UNC79: variants seen among roughly 807,000 people sequenced by gnomAD.
UNC79 encodes the protein unc-79 subunit of NALCN channel complex, also known as protein unc-79 homolog.
Under a neutral mutation model 283.1 loss-of-function variants are expected in UNC79, and 37 were observed. The observed-to-expected ratio is 0.13, with a 90% CI of 0.10 to 0.17. The LOEUF is 0.17. UNC79 is among the 10% of genes least tolerant of loss of function. UNC79 has a pLI of 1.00. For missense variants in UNC79, 2,272 were observed against 3,211.1 expected, an observed-to-expected ratio of 0.71 and a Z score of 7.07; for synonymous variants, 1,107 against 1,200.2, an observed-to-expected ratio of 0.92 and a Z score of 1.61.
intron 1 of UNC79, among the ~76,000 whole-genome samples, chr14:93,449,122 G>A (rs2056554782): frequency 6.6e-6 from 1 of 152,166 alleles, no homozygotes; most frequent in Admixed American, 6.5e-5. Context: ...TTAGTCCACG[G>A]TGATACTTTG....
chr14:93,458,225 G>A (rs2056848732), intron 1 of UNC79, among the ~76,000 whole-genome samples: 1 of 152,160 alleles, frequency 6.6e-6, no homozygotes, highest in Non-Finnish European at 1.5e-5. Flanking sequence ...GATGGAATTA[G>A]GACATATACT....
At chr14:93,641,766 G>A (rs1315075170) in intron 33 of UNC79, among the ~76,000 whole-genome samples, 1 of 152,176 alleles carries the variant, frequency 6.6e-6, no homozygotes, top group African/African-American at 2.4e-5. Flanking sequence ...TAGATGATAT[G>A]GTTTGGCTAT....
intron 2 of UNC79, among the ~76,000 whole-genome samples, chr14:93,468,904 G>A (rs2057357136): frequency 6.6e-6 from 1 of 152,078 alleles, no homozygotes; most frequent in African/African-American, 2.4e-5. Flanking sequence ...AAATTGTAGT[G>A]GAATAATTAG....
chr14:93,455,912 TTGTGTG>T (rs10654684), intron 1 of UNC79, among the ~76,000 whole-genome samples: 76 of 144,204 alleles, frequency 5.3e-4, no homozygotes, highest in East Asian at 3.3e-3. Flanking sequence ...GTACAATGGA[TTGTGTG>T]TGTGTGTGTG....
chr14:93,544,512 C>T (rs1372999676), intron 14 of UNC79, among the ~76,000 whole-genome samples: 1 of 152,196 alleles, frequency 6.6e-6, no homozygotes, highest in Non-Finnish European at 1.5e-5. Flanking sequence ...TTTCTTTTTG[C>T]ATCTTCTTTA....
intron 30 of UNC79, among the ~76,000 whole-genome samples, chr14:93,627,718 A>G (rs1029713212): frequency 6.6e-6 from 1 of 152,226 alleles, no homozygotes; most frequent in Non-Finnish European, 1.5e-5. Flanking sequence ...TTAAAGTCAC[A>G]TGGTGAAAGG....
intron 41 of UNC79, among the ~76,000 whole-genome samples, chr14:93,676,513 A>G (rs2073354538): frequency 6.6e-6 from 1 of 152,122 alleles, no homozygotes; most frequent in African/African-American, 2.4e-5. Flanking sequence ...GCAGTTGGAG[A>G]TGTGCCACCT....
chr14:93,566,913 G>A (rs184478696), intron 14 of UNC79, among the ~76,000 whole-genome samples: 4 of 152,138 alleles, frequency 2.6e-5, no homozygotes, highest in East Asian at 1.9e-4. Flanking sequence ...CACCACGCTC[G>A]GCCTGGAATT....
exon 15 of UNC79, chr14:93,571,928 T>C: frequency 6.2e-7 from 1 of 1,614,074 alleles, no homozygotes; most frequent in African/African-American, 1.3e-5. Flanking sequence ...TGTAGCACAG[T>C]GACTCAGCTG....
intron 31 of UNC79, 23 bp downstream of exon 34, chr14:93,634,660 A>C: frequency 4.4e-6 from 7 of 1,585,306 alleles, no homozygotes; most frequent in Non-Finnish European, 6.1e-6. Context: ...TTTTCTTCTC[A>C]TTCTACCTCT....
At chr14:93,346,907 G>A (rs1188415984) in intron 1 of UNC79, among the ~76,000 whole-genome samples, 2 of 152,138 alleles carry the variant, frequency 1.3e-5, no homozygotes, top group South Asian at 2.1e-4. Flanking sequence ...AGGTTGCAGG[G>A]AGCCCTGAGT....
rs529736494 is a variant in UNC79, at chr14:93,602,610, T to A, written c.3575-629T>A. Reference sequence around the variant, plus strand: ...GCTCTTTTTTTGGTTCCGTAGGAATTTTAGAGTTGGTTTTCTAGCTCTGTG... The same window carrying A: ...GCTCTTTTTTTGGTTCCGTAGGAATATTAGAGTTGGTTTTCTAGCTCTGTG... On this transcript the variant is annotated intron_variant, in intron 25 of 48. Transcript: ENST00000555664. Among the ~76,000 whole-genome samples the A allele has an allele frequency of 3.3e-5, 5 of 152,254 alleles. No homozygotes were observed. The South Asian group carries it at 8.3e-4, about 25-fold the overall frequency.
At chr14:93,699,327 T>C (rs535895028) in intron 47 of UNC79, among the ~76,000 whole-genome samples, 2 of 152,308 alleles carry the variant, frequency 1.3e-5, no homozygotes, top group African/African-American at 4.8e-5. Context: ...TATAATTTCC[T>C]TTTCTTTGTC....
intron 1 of UNC79, among the ~76,000 whole-genome samples, chr14:93,435,427 C>G (rs968552321): frequency 6.6e-6 from 1 of 152,150 alleles, no homozygotes; most frequent in Non-Finnish European, 1.5e-5. Context: ...TAGCTTCGCA[C>G]AGGAATCTGT....
rs545142923 is a variant in UNC79, at chr14:93,688,443, G to A, written c.6910-222G>A. On this transcript the variant is annotated intron_variant, in intron 43 of 48. Coordinates refer to ENST00000555664, the Ensembl canonical transcript of UNC79. This position sits in a 1 kb window ranked among gnomAD's most constrained non-coding sequence, Gnocchi z 4.0. Reference sequence around the variant, plus strand: ...AACACAGCTGGAGCTGCAGGCAGAAGGGGTAAGTTCTCAGTGGCTGGATCT... The same window carrying A: ...AACACAGCTGGAGCTGCAGGCAGAAAGGGTAAGTTCTCAGTGGCTGGATCT... Among the ~76,000 whole-genome samples, 1 of 152,264 alleles carries A rather than the reference G, an allele frequency of 6.6e-6. No homozygotes were observed. Among genetic ancestry groups the A allele is most frequent in the East Asian group, 1.9e-4 (1 of 5,178 alleles).
intron 1 of UNC79, chr14:93,334,419 T>A (rs1672286370): frequency 6.6e-6 from 1 of 152,198 alleles, no homozygotes; most frequent in African/African-American, 2.4e-5. Context: ...CTGGTAAGGG[T>A]CACTTCAGTT....
chr14:93,576,173 C>T (rs2063465502), intron 17 of UNC79, among the ~76,000 whole-genome samples: 1 of 152,190 alleles, frequency 6.6e-6, no homozygotes, highest in Non-Finnish European at 1.5e-5. Flanking sequence ...CTTCATTTTA[C>T]AACTACCTAA....
intron 1 of UNC79, among the ~76,000 whole-genome samples, chr14:93,461,969 A>AT: frequency 1.3e-5 from 1 of 78,668 alleles, no homozygotes; most frequent in East Asian, 4.8e-4. Context: ...AAGCAAAAAA[A>AT]AAAAAAGAAA....
intron 19 of UNC79, 40 bp from the exon 20 acceptor site, chr14:93,582,163 C>T: frequency 6.2e-7 from 1 of 1,613,822 alleles, no homozygotes; most frequent in Non-Finnish European, 8.5e-7. Flanking sequence ...TGACACCCCT[C>T]CAGGGCTGCT....
Sources: allele counts gnomAD v4.1 joint callset (sites outside exome capture counted in the v4.1 genomes callset), GRCh38; gene constraint gnomAD v4.1.1; non-coding constraint Gnocchi (gnomAD v3.1); transcripts MANE v1.5; gene names NCBI Gene and HGNC (gene_info 2026-07-23, HGNC 2026-07-21).